RBM6: variants seen among roughly 807,000 people sequenced by gnomAD.
RBM6 encodes RNA binding motif protein 6.
Under a neutral mutation model 140.4 loss-of-function variants are expected in RBM6, and 23 were observed. That is an observed-to-expected ratio of 0.16 (90% CI 0.12 to 0.23). The LOEUF (loss-of-function observed/expected upper bound fraction) is 0.23. RBM6 is among the 10% of genes least tolerant of loss of function. The pLI is 1.00. For missense variants in RBM6, 1,139 were observed against 1,386.7 expected (o/e 0.82, Z 2.84); for synonymous variants, 439 against 475.6 (o/e 0.92, Z 1.00).
intron 6 of RBM6, among the ~76,000 whole-genome samples, chr3:50,029,962 C>T (rs1034052984): frequency 2.0e-5 from 3 of 150,472 alleles, no homozygotes; most frequent in African/African-American, 7.4e-5. Flanking sequence ...CCCAAGAGGT[C>T]GAGAGTACAG....
At chr3:50,063,741 A>G (rs1001371173) in intron 15 of RBM6, among the ~76,000 whole-genome samples, 1 of 151,948 alleles carries the variant, frequency 6.6e-6, no homozygotes, top group African/African-American at 2.4e-5. Context: ...TCTCTACTAA[A>G]AAGACAAAAA....
At chr3:50,057,274 A>G (rs1225400654) in intron 8 of RBM6, among the ~76,000 whole-genome samples, 2 of 152,070 alleles carry the variant, frequency 1.3e-5, no homozygotes, top group East Asian at 1.9e-4. Flanking sequence ...TTTTTATTAG[A>G]TATTTCTGAG....
At chr3:50,038,095 T>C (rs1162606141) in intron 6 of RBM6, among the ~76,000 whole-genome samples, 1 of 152,150 alleles carries the variant, frequency 6.6e-6, no homozygotes, top group African/African-American at 2.4e-5. Context: ...GTGCTGGGAT[T>C]ACAGGTGTGA....
chr3:50,054,338 A>G lies in RBM6; in HGVS notation c.1636A>G (p.Lys546Glu). 6.2e-7 allele frequency: 1 copy of G among 1,610,436 alleles called. No homozygotes were observed. Among genetic ancestry groups the G allele is most frequent in the Non-Finnish European group, 8.5e-7 (1 of 1,176,664 alleles). Residue 546 changes from lysine (K) to glutamate (E), a missense_variant, in exon 8 of 21, where the codon AAG becomes GAG. By Grantham distance (56) the Lys-to-Glu change is moderately conservative. This residue lies in a region of RBM6 where 58 missense variants were observed against 99.7 expected (regional missense o/e 0.58). Coordinates refer to ENST00000266022, the MANE Select transcript of RBM6 (RefSeq NM_005777.3). ...SLDFWYCKRC[K>E]ANIGGHRSSC... is the part of the protein sequence containing the mutation. ...TTGATTTCCTTCTTCCTTACAGTGT[A>G]AGGCAAACATTGGTGGGCACCGATC...
intron 1 of RBM6, among the ~76,000 whole-genome samples, chr3:49,950,000 G>A (rs968627819): frequency 6.6e-6 from 1 of 152,104 alleles, no homozygotes; most frequent in South Asian, 2.1e-4. Flanking sequence ...TGAGATTACA[G>A]GCATGAGCCA....
At chr3:49,977,014 T>G (rs1393863086) in intron 5 of RBM6, among the ~76,000 whole-genome samples, 2 of 152,236 alleles carry the variant, frequency 1.3e-5, no homozygotes, top group Non-Finnish European at 2.9e-5. Flanking sequence ...TTATATTACA[T>G]CTCTATGTGA....
intron 5 of RBM6, among the ~76,000 whole-genome samples, chr3:49,991,884 C>T (rs1301020924): frequency 6.6e-6 from 1 of 152,098 alleles, no homozygotes; most frequent in African/African-American, 2.4e-5. Flanking sequence ...AAACTTCCAG[C>T]TTAGAAACCA....
chr3:50,072,083 C>CAAAA (rs974465674), intron 19 of RBM6, among the ~76,000 whole-genome samples: 13 of 41,446 alleles, frequency 3.1e-4, no homozygotes, highest in East Asian at 8.0e-4. Context: ...GACTCTGTCT[C>CAAAA]AAAAAAAAAA....
At chr3:50,046,471 C>T (rs1246863845) in intron 6 of RBM6, among the ~76,000 whole-genome samples, 2 of 150,418 alleles carry the variant, frequency 1.3e-5, no homozygotes, top group Non-Finnish European at 3.0e-5. Context: ...CCCAGCTACT[C>T]GGGAGGCTGA....
chr3:49,961,659 C>T (rs1281269330), intron 1 of RBM6, among the ~76,000 whole-genome samples: 2 of 151,510 alleles, frequency 1.3e-5, no homozygotes, highest in Non-Finnish European at 2.9e-5. Flanking sequence ...ATTAGCCGGG[C>T]ATGGTGACGC....
chr3:49,946,765 C>T (rs2083504621), intron 1 of RBM6, among the ~76,000 whole-genome samples: 1 of 151,526 alleles, frequency 6.6e-6, no homozygotes, highest in Non-Finnish European at 1.5e-5. Context: ...GAACTCCTGA[C>T]CTCAAGTGAT....
At chr3:49,994,669 G>GTGTGTGTGT (rs3223538) in intron 5 of RBM6, among the ~76,000 whole-genome samples, 86 of 148,264 alleles carry the variant, frequency 5.8e-4, no homozygotes, top group Non-Finnish European at 1.0e-3. Flanking sequence ...AAGGCTGTGG[G>GTGTGTGTGT]GTGTGTGTGT....
chr3:50,047,407 C>G, intron 6 of RBM6: 1 of 801,010 alleles, frequency 1.2e-6, no homozygotes, highest in African/African-American at 1.9e-5. Context: ...CACATACCTG[C>G]TGCCTAGTGT....
intron 6 of RBM6, among the ~76,000 whole-genome samples, chr3:50,004,810 G>A (rs73079046): frequency 1.2e-4 from 18 of 151,850 alleles, no homozygotes; most frequent in Non-Finnish European, 1.8e-4. Context: ...AACTCTGTTC[G>A]TAAAGATGGG....
chr3:50,066,585 T>G, intron 17 of RBM6, 83 bp downstream of exon 17: 1 of 1,510,548 alleles, frequency 6.6e-7, no homozygotes, highest in Non-Finnish European at 8.9e-7. Flanking sequence ...CCTAGCACTT[T>G]GGGAGGCCGA....
chr3:49,987,850 G>C (rs2085636685), intron 5 of RBM6, among the ~76,000 whole-genome samples: 1 of 152,100 alleles, frequency 6.6e-6, no homozygotes, highest in Non-Finnish European at 1.5e-5. Context: ...TGTAGGCCAG[G>C]CTGGTCTAGA....
chr3:50,054,537 G>A lies in RBM6; in HGVS notation c.1693+142G>A, dbSNP rs576101452. ...TTTTTTTTTTTTGAGATGGAGTCTC[G>A]CTGTGTTGCCCAGGCTGGAGTGCAG... On this transcript the variant is annotated intron_variant, in intron 8 of 20. Coordinates refer to ENST00000266022, the MANE Select transcript of RBM6 (RefSeq NM_005777.3). The A allele has an allele frequency of 9.6e-5, 71 of 739,196 alleles. No homozygotes were observed. The East Asian group carries it at 1.5e-3, about 15-fold the overall frequency. The allele number at this position is 739,196 out of a possible 1,614,324, so 45.8% of individuals were successfully genotyped here. A position where few individuals can be genotyped will look rare whatever the true frequency, so the allele number is the denominator to read the frequency against.
At chr3:50,066,611 T>C (rs982119328) in intron 17 of RBM6, 109 bp downstream of exon 17, 7 of 1,375,538 alleles carry the variant, frequency 5.1e-6, no homozygotes, top group African/African-American at 4.4e-5. Context: ...GTGGATTGCC[T>C]GGGCTCAGAA....
intron 1 of RBM6, among the ~76,000 whole-genome samples, chr3:49,951,123 C>G (rs1421319542): frequency 6.6e-6 from 1 of 152,160 alleles, no homozygotes; most frequent in Admixed American, 6.6e-5. Context: ...CATATAATTT[C>G]ACTTAGACAC....
Sources: allele counts gnomAD v4.1 joint callset (sites outside exome capture counted in the v4.1 genomes callset), GRCh38; gene constraint gnomAD v4.1.1; regional missense constraint gnomAD v4.1.1; transcripts MANE v1.5; gene names NCBI Gene and HGNC (gene_info 2026-07-23, HGNC 2026-07-21).